The following SDK1 variants were observed in gnomAD, a reference collection of about 807,000 sequenced individuals.
SDK1 encodes sidekick cell adhesion molecule 1, also known as protein sidekick-1.
Under a neutral mutation model 245.5 loss-of-function variants are expected in SDK1, and 157 were observed. That is an observed-to-expected ratio of 0.64 (90% confidence interval 0.56 to 0.73). The LOEUF is 0.73. Ranked by LOEUF, SDK1 falls within the 30% of genes least tolerant of loss-of-function variation. SDK1 has a pLI of 0.00. For missense variants in SDK1, 3,583 were observed against 3,002.3 expected (o/e 1.19, Z -4.52); for synonymous variants, 1,647 against 1,278.5 (o/e 1.29, Z -6.15).
At chr7:3,644,579 C>A (rs1173405546) in intron 4 of SDK1, among the ~76,000 whole-genome samples, 1 of 150,946 alleles carries the variant, frequency 6.6e-6, no homozygotes, top group Non-Finnish European at 1.5e-5. Flanking sequence ...GCCTGGGCAA[C>A]ATACTGAAAC....
At chr7:3,872,206 G>A (rs969439422) in intron 5 of SDK1, among the ~76,000 whole-genome samples, 13 of 151,954 alleles carry the variant, frequency 8.6e-5, no homozygotes, top group East Asian at 5.8e-4. Flanking sequence ...CTAACATTTC[G>A]GTGAGAATGT....
At position 4,268,696 on chromosome 7, in the gene SDK1, G is replaced by T. The variant is rs766646375; in HGVS notation, c.*3312G>T. 2.2e-6 allele frequency: 3 copies of T among 1,367,652 alleles called. No individual in the cohort carries two copies. The highest frequency in any genetic ancestry group is 4.5e-5 in the East Asian group (1 of 21,982). 84.7% of individuals were successfully genotyped at this position (1,367,652 alleles called of 1,614,324 possible). A position where few individuals can be genotyped will look rare whatever the true frequency, so the allele number is the denominator to read the frequency against. On this transcript the variant is annotated 3_prime_UTR_variant, in exon 45 of 45. Transcript: ENST00000404826. ...CACACAGTGTAGCTATCCTCCTGAC[G>T]AGCAACCCGTCTGCGTACCTAAGTG...
chr7:4,250,641 G>C (rs1198913103), intron 44 of SDK1, among the ~76,000 whole-genome samples: 1 of 152,100 alleles, frequency 6.6e-6, no homozygotes, highest in Non-Finnish European at 1.5e-5. Flanking sequence ...CACTGTGCCC[G>C]GCCAGGAAGT....
chr7:4,026,230 G>T lies in SDK1; in HGVS notation c.2602+8878G>T, dbSNP rs75608935. ...GCAATTTTCAGATGCGGAGAATGCA[G>T]AGACAGGGCATGGGAAGTGGGGGTC... is the stretch of plus-strand genomic sequence containing the variant. On this transcript the variant is annotated intron_variant, in intron 17 of 44. Transcript: ENST00000404826. This position sits in a 1 kb window ranked among gnomAD's most constrained non-coding sequence, Gnocchi z 4.1. 0.02 allele frequency among the ~76,000 whole-genome samples: 3,034 copies of T among 152,342 alleles called. 71 individuals carry two copies. The highest frequency in any genetic ancestry group is 0.057 in the African/African-American group (2,364 of 41,574).
intron 5 of SDK1, among the ~76,000 whole-genome samples, chr7:3,848,636 C>G (rs1780340293): frequency 6.6e-6 from 1 of 151,980 alleles, no homozygotes; most frequent in East Asian, 1.9e-4. Context: ...AGACCACCAC[C>G]CAGGCCACGT....
At chr7:3,418,909 A>G (rs1779458985) in intron 1 of SDK1, among the ~76,000 whole-genome samples, 2 of 152,192 alleles carry the variant, frequency 1.3e-5, no homozygotes, top group Admixed American at 6.5e-5. Flanking sequence ...AAGAACTCGT[A>G]TATGTAAAAA....
intron 4 of SDK1, among the ~76,000 whole-genome samples, chr7:3,670,384 C>T (rs750908884): frequency 2.0e-5 from 3 of 152,132 alleles, no homozygotes; most frequent in Admixed American, 6.5e-5. Flanking sequence ...CTTAGTTTCC[C>T]GGATCAGATA....
rs565825792 is a variant in SDK1, at chr7:4,160,419, A to G, written c.4730-1367A>G. Among the ~76,000 whole-genome samples the G allele has an allele frequency of 4.1e-4, 63 of 152,274 alleles. 1 individual carries two copies. Among genetic ancestry groups the G allele is most frequent in the Admixed American group, 1.4e-3 (21 of 15,298 alleles). ...TCTTCAGACTCCAGAGGCCTTTCTT[A>G]CCCTTTGATATTCAGATTGGGCTTT... On this transcript the variant is annotated intron_variant, in intron 31 of 44. Transcript: ENST00000404826.
In SDK1 at chr7:3,629,888, A is replaced by G. The variant is rs377594944; in HGVS notation, c.459-9116A>G. Among the ~76,000 whole-genome samples the G allele has an allele frequency of 1.2e-3, 188 of 152,352 alleles. No individual in the cohort carries two copies. The Middle Eastern group carries it at 0.027, about 22-fold the overall frequency. On this transcript the variant is annotated intron_variant, in intron 2 of 44. Transcript: ENST00000404826. ...CACAGTTATTAGAGTTAACAGAGAA[A>G]GATAATGAAACAGTTATAACTGTAT... is the stretch of plus-strand genomic sequence containing the variant.
At chr7:3,936,477 C>T (rs561131570) in intron 5 of SDK1, among the ~76,000 whole-genome samples, 10 of 151,496 alleles carry the variant, frequency 6.6e-5, no homozygotes, top group South Asian at 4.2e-4. Context: ...CCCAGCTACT[C>T]GGGAGGCTGA....
intron 17 of SDK1, among the ~76,000 whole-genome samples, chr7:4,033,847 G>C (rs1788022106): frequency 6.6e-6 from 1 of 152,196 alleles, no homozygotes; most frequent in Non-Finnish European, 1.5e-5. Context: ...GGAATGCAAT[G>C]ATACAACCCC....
In SDK1 at chr7:3,387,172, C is replaced by A. The variant is rs79003552; in HGVS notation, c.298+85288C>A. Among the ~76,000 whole-genome samples, 50 of 152,254 alleles carry A rather than the reference C, an allele frequency of 3.3e-4. No individual in the cohort carries two copies. In the East Asian group the frequency reaches 9.7e-3, roughly 29 times the overall value. ...CCGACTCATACCCCCAAGCTAGACA[C>A]CTTTGTGCAGAGTACATCTATATGT... On this transcript the variant is annotated intron_variant, in intron 1 of 44. Transcript: ENST00000404826.
chr7:4,117,022 T>C (rs995166443), intron 25 of SDK1, among the ~76,000 whole-genome samples: 2 of 152,254 alleles, frequency 1.3e-5, no homozygotes, highest in Non-Finnish European at 2.9e-5. Context: ...TTATCTTCAC[T>C]GTCTGAATCT....
intron 1 of SDK1, among the ~76,000 whole-genome samples, chr7:3,399,857 C>G (rs148452818): frequency 5.3e-5 from 8 of 152,282 alleles, no homozygotes; most frequent in African/African-American, 1.9e-4. Context: ...TTTCACAGGT[C>G]TCCCATTTAA....
rs141751407 is a variant in SDK1 at position 3,789,031 on chromosome 7, G to C, written c.714-32419G>C. ...ACGGCTGACAAGCTCCTTTCTGAGGGAGCAGAGCTTGACCATATACAAGAT... is the reference window on the plus strand; with the variant it reads ...ACGGCTGACAAGCTCCTTTCTGAGGCAGCAGAGCTTGACCATATACAAGAT... On this transcript the variant is annotated intron_variant, in intron 4 of 44. Transcript: ENST00000404826. Among the ~76,000 whole-genome samples, 203 of 152,340 alleles carry C rather than the reference G, an allele frequency of 1.3e-3. 1 individual carries two copies. The highest frequency in any genetic ancestry group is 4.7e-3 in the African/African-American group (194 of 41,578).
chr7:3,738,097 C>T (rs1272195935), intron 4 of SDK1, among the ~76,000 whole-genome samples: 1 of 152,214 alleles, frequency 6.6e-6, no homozygotes, highest in African/African-American at 2.4e-5. Context: ...CTGTCCTTTT[C>T]TTGTTACATC....
intron 30 of SDK1, among the ~76,000 whole-genome samples, chr7:4,153,074 G>T (rs1780489968): frequency 6.6e-6 from 1 of 152,084 alleles, no homozygotes; most frequent in African/African-American, 2.4e-5. Context: ...GGGTGGCTGT[G>T]CATCTGGCTG....
chr7:3,876,886 G>A (rs1343113832), intron 5 of SDK1, among the ~76,000 whole-genome samples: 3 of 152,190 alleles, frequency 2.0e-5, no homozygotes, highest in Admixed American at 6.5e-5. Flanking sequence ...TAATTTTTGT[G>A]TAATTGAATT....
intron 35 of SDK1, among the ~76,000 whole-genome samples, chr7:4,181,236 T>C (rs1279517216): frequency 6.6e-6 from 1 of 152,084 alleles, no homozygotes; most frequent in East Asian, 1.9e-4. Flanking sequence ...CGGCGTGAGG[T>C]TTTTGAGGTT....
Sources: gnomAD v4.1 joint callset for allele counts (sites outside exome capture counted in the v4.1 genomes callset) on GRCh38, gnomAD v4.1.1 for gene constraint, Gnocchi (gnomAD v3.1) non-coding constraint, MANE v1.5 for transcripts, NCBI Gene and HGNC (gene_info 2026-07-23, HGNC 2026-07-21) for gene names.